The following ROR1 variants were observed in gnomAD, a reference collection of about 807,000 sequenced individuals.
The protein encoded by ROR1 is ROR family WNT receptor 1.
A neutral mutation model predicts 78.8 loss-of-function variants in ROR1; 19 were observed. That is an observed-to-expected ratio of 0.24 (90% CI 0.17 to 0.35). The LOEUF (loss-of-function observed/expected upper bound fraction) is 0.35, where lower values mean the gene tolerates loss of function less well. Among genes scored for constraint, ROR1 ranks in the 10% least tolerant of loss-of-function variants. ROR1 has a pLI of 1.00. For synonymous variants in ROR1, 386 were observed against 433.6 expected, an observed-to-expected ratio of 0.89 and a Z score of 1.36; for missense variants, 917 against 1,177.8, an observed-to-expected ratio of 0.78 and a Z score of 3.24.
chr1:64,147,910 G>A (rs919787810), intron 7 of ROR1, among the ~76,000 whole-genome samples: 1 of 152,110 alleles, frequency 6.6e-6, no homozygotes, highest in African/African-American at 2.4e-5. Flanking sequence ...AGTGGGTGGG[G>A]TTGGGGGATG....
At chr1:63,890,086 C>T (rs906222579) in intron 1 of ROR1, among the ~76,000 whole-genome samples, 2 of 146,778 alleles carry the variant, frequency 1.4e-5, no homozygotes, top group African/African-American at 5.2e-5. Context: ...CCTGTCGTGA[C>T]CTACTTAAGG....
At chr1:63,857,591 A>C (rs1353305043) in intron 1 of ROR1, among the ~76,000 whole-genome samples, 1 of 152,182 alleles carries the variant, frequency 6.6e-6, no homozygotes. Context: ...ATGGTTCCCC[A>C]GGCATGGGGA....
intron 4 of ROR1, among the ~76,000 whole-genome samples, chr1:64,099,175 A>C (rs1647420590): frequency 6.6e-6 from 1 of 152,146 alleles, no homozygotes; most frequent in Admixed American, 6.6e-5. Context: ...CTCACAGTGC[A>C]TGTCATCACA....
chr1:63,888,342 C>T (rs769306573), intron 1 of ROR1, among the ~76,000 whole-genome samples: 19 of 152,100 alleles, frequency 1.2e-4, no homozygotes, highest in East Asian at 9.7e-4. Flanking sequence ...CAGCTGGGCA[C>T]GGTGGTTCAT....
chr1:63,847,627 A>G (rs1645089450), intron 1 of ROR1, among the ~76,000 whole-genome samples: 1 of 152,170 alleles, frequency 6.6e-6, no homozygotes, highest in African/African-American at 2.4e-5. Flanking sequence ...CTGGGTCGGT[A>G]AAACCCACTT....
At chr1:64,093,153 A>G (rs1041458952) in intron 4 of ROR1, among the ~76,000 whole-genome samples, 1 of 152,120 alleles carries the variant, frequency 6.6e-6, no homozygotes, top group Non-Finnish European at 1.5e-5. Context: ...ATATTATATT[A>G]AGGATGCATC....
intron 4 of ROR1, among the ~76,000 whole-genome samples, chr1:64,096,872 G>A (rs1439769764): frequency 6.7e-6 from 1 of 150,126 alleles, no homozygotes; most frequent in Non-Finnish European, 1.5e-5. Flanking sequence ...CAGTGTATAC[G>A]CATTCCTTTT....
intron 1 of ROR1, among the ~76,000 whole-genome samples, chr1:63,807,738 T>G (rs1404100969): frequency 6.6e-6 from 1 of 152,176 alleles, no homozygotes; most frequent in Non-Finnish European, 1.5e-5. Context: ...CAGTACCAGG[T>G]GCATATTGGT....
intron 1 of ROR1, among the ~76,000 whole-genome samples, chr1:63,858,528 T>C (rs904454474): frequency 2.0e-5 from 3 of 152,242 alleles, no homozygotes; most frequent in Non-Finnish European, 4.4e-5. Flanking sequence ...GATTAGACCC[T>C]ACCACTTTAA....
At chr1:63,957,386 C>G (rs1041417368) in intron 1 of ROR1, among the ~76,000 whole-genome samples, 53 of 152,336 alleles carry the variant, frequency 3.5e-4, no homozygotes, top group African/African-American at 1.2e-3. Context: ...CTCTGACCCT[C>G]TTCATCTTTC....
At chr1:63,810,413 T>C (rs1472812884) in intron 1 of ROR1, among the ~76,000 whole-genome samples, 1 of 152,212 alleles carries the variant, frequency 6.6e-6, no homozygotes. Context: ...TACTTAACTA[T>C]GTGTCCAGAA....
intron 1 of ROR1, among the ~76,000 whole-genome samples, chr1:63,781,795 G>A (rs1042453281): frequency 1.3e-5 from 2 of 152,168 alleles, no homozygotes; most frequent in African/African-American, 4.8e-5. Context: ...TAAAACCCAT[G>A]TACTCTTGCT....
At position 64,140,349 on chromosome 1, in the gene ROR1, A is replaced by C. The variant is rs747832417; in HGVS notation, c.851A>C (p.Asp284Ala). The C allele has an allele frequency of 4.3e-6, 7 of 1,614,120 alleles. No individual in the cohort carries two copies. Among genetic ancestry groups the C allele is most frequent in the Non-Finnish European group, 5.9e-6 (7 of 1,179,994 alleles). Residue 284 changes from aspartate to alanine, a missense_variant, in exon 6 of 9, where the codon GAT (aspartate) becomes GCT (alanine). Asp to Ala is a moderately radical substitution (Grantham distance 126). Around this residue, in one of 3 missense-constraint regions of ROR1, gnomAD observed 835 missense variants for 1,069.8 expected, o/e 0.78. Coordinates refer to ENST00000371079, the MANE Select transcript of ROR1 (RefSeq NM_005012.4). ...AGGCTGAAACTGCCAAACTGTGAAG[A>C]TCTCCCCCAGCCAGAGAGCCCAGAA... ...LMRLKLPNCE[D>A]LPQPESPEAA...
At chr1:64,087,365 G>A (rs999831266) in intron 4 of ROR1, among the ~76,000 whole-genome samples, 2 of 152,184 alleles carry the variant, frequency 1.3e-5, no homozygotes, top group Non-Finnish European at 2.9e-5. Flanking sequence ...ACGTAAGTAC[G>A]AACACAATGG....
chr1:63,854,454 G>A (rs1645135808), intron 1 of ROR1, among the ~76,000 whole-genome samples: 1 of 152,210 alleles, frequency 6.6e-6, no homozygotes, highest in Non-Finnish European at 1.5e-5. Context: ...TGACAGCCAA[G>A]TCTGGAAACA....
chr1:63,832,557 A>G (rs1018346353), intron 1 of ROR1, among the ~76,000 whole-genome samples: 2 of 152,166 alleles, frequency 1.3e-5, no homozygotes. Flanking sequence ...TGGCTTTGGG[A>G]ATCACTTAAC....
chr1:63,841,606 A>G (rs374178067), intron 1 of ROR1, among the ~76,000 whole-genome samples: 3 of 152,332 alleles, frequency 2.0e-5, no homozygotes, highest in Admixed American at 6.5e-5. Context: ...CATACCCTGT[A>G]TTTGAGACTC....
Position 64,140,228 on chromosome 1 carries a change from C to A in ROR1, c.730C>A (p.Pro244Thr), listed in dbSNP as rs1649258435. The A allele has an allele frequency of 2.5e-6, 4 of 1,613,996 alleles. No homozygotes were observed. In the Admixed American group the frequency reaches 5.0e-5, roughly 20 times the overall value. The part of the protein sequence containing the change: ...YCDETSSVPK[P>T]RDLCRDECEI... ...CGATGAAACTTCATCCGTCCCAAAG[C>A]CCCGTGACTTGTGTCGCGATGAATG... Residue 244 changes from proline to threonine, a missense_variant, in exon 6 of 9, where the codon CCC (proline) becomes ACC (threonine). This residue lies in a region of ROR1 where 835 missense variants were observed against 1,069.8 expected (regional missense o/e 0.78). Transcript: ENST00000371079.
At chr1:64,014,789 G>GTTTGCC (rs1379072886) in intron 2 of ROR1, among the ~76,000 whole-genome samples, 1 of 58,058 alleles carries the variant, frequency 1.7e-5, no homozygotes, top group Non-Finnish European at 3.2e-5. Flanking sequence ...TTTTGTCCTG[G>GTTTGCC]TTTGCCTTTT....
Sources: allele counts gnomAD v4.1 joint callset (sites outside exome capture counted in the v4.1 genomes callset), GRCh38; gene constraint gnomAD v4.1.1; regional missense constraint gnomAD v4.1.1; transcripts MANE v1.5; gene names NCBI Gene and HGNC (gene_info 2026-07-23, HGNC 2026-07-21).